The following LUZP1 variants were observed in gnomAD, a reference collection of about 807,000 sequenced individuals.
LUZP1 encodes filamin mechanobinding actin cross-linking protein.
Under a neutral mutation model 71.3 loss-of-function variants are expected in LUZP1, and 25 were observed. That is an observed-to-expected ratio of 0.35 (90% CI 0.26 to 0.49). LUZP1 has a LOEUF of 0.49. Among genes scored for constraint, LUZP1 ranks in the 20% least tolerant of loss-of-function variants. LUZP1 has a pLI of 0.99. For missense variants in LUZP1, 1,142 were observed against 1,300.8 expected, an observed-to-expected ratio of 0.88 and a Z score of 1.88; for synonymous variants, 481 against 506.4, an observed-to-expected ratio of 0.95 and a Z score of 0.67.
At chr1:23,176,630 G>A (rs1022868322) in intron 1 of LUZP1, among the ~76,000 whole-genome samples, 2 of 152,124 alleles carry the variant, frequency 1.3e-5, no homozygotes, top group Non-Finnish European at 2.9e-5. Flanking sequence ...TGAGATGTCA[G>A]AACCTCAGAA....
chr1:23,101,782 A>ACACCT (rs1000436764), intron 3 of LUZP1, among the ~76,000 whole-genome samples: 71 of 152,288 alleles, frequency 4.7e-4, no homozygotes, highest in Middle Eastern at 3.4e-3. Flanking sequence ...AGCAAAGTAG[A>ACACCT]CACCTCTCTT....
exon 4 of LUZP1, chr1:23,092,721 G>A (rs1325668649): frequency 1.2e-6 from 2 of 1,613,926 alleles, no homozygotes; most frequent in African/African-American, 1.3e-5. Context: ...TCCATGGGTG[G>A]TGTCACTAAA....
intron 2 of LUZP1, among the ~76,000 whole-genome samples, chr1:23,138,404 C>T (rs1303312441): frequency 1.3e-5 from 2 of 152,266 alleles, no homozygotes; most frequent in East Asian, 3.9e-4. Context: ...ATACAAAAGT[C>T]TACATATGGT....
intron 3 of LUZP1, among the ~76,000 whole-genome samples, chr1:23,102,298 A>G (rs1456967653): frequency 6.6e-6 from 1 of 151,964 alleles, no homozygotes; most frequent in Non-Finnish European, 1.5e-5. Context: ...AAGTTCCTGA[A>G]CCCAGTTCCA....
chr1:23,155,166 G>T (rs1004106378), intron 2 of LUZP1, among the ~76,000 whole-genome samples: 6 of 152,036 alleles, frequency 3.9e-5, no homozygotes, highest in South Asian at 4.1e-4. Context: ...CCATTACTTT[G>T]TTTACACACC....
intron 2 of LUZP1, among the ~76,000 whole-genome samples, chr1:23,163,429 C>T (rs1413685105): frequency 1.3e-5 from 2 of 150,618 alleles, no homozygotes; most frequent in African/African-American, 4.9e-5. Flanking sequence ...TGGTGGTGCA[C>T]ACTTGTAGTC....
intron 2 of LUZP1, among the ~76,000 whole-genome samples, chr1:23,127,559 T>A (rs1304963217): frequency 6.6e-6 from 1 of 152,212 alleles, no homozygotes; most frequent in Non-Finnish European, 1.5e-5. Flanking sequence ...AGTCTCGCTC[T>A]GTGGCCCAGG....
chr1:23,150,834 T>C (rs774288837), intron 2 of LUZP1, among the ~76,000 whole-genome samples: 14 of 152,206 alleles, frequency 9.2e-5, no homozygotes, highest in Non-Finnish European at 7.3e-5. Flanking sequence ...AAGCTGGACC[T>C]GAAATATCCT....
intron 1 of LUZP1, among the ~76,000 whole-genome samples, chr1:23,174,317 G>A (rs970412876): frequency 6.6e-6 from 1 of 152,038 alleles, no homozygotes; most frequent in African/African-American, 2.4e-5. Flanking sequence ...TGTTCTGTTG[G>A]GCCCTCAGTG....
chr1:23,090,747 G>T, intron 4 of LUZP1: 3 of 659,350 alleles, frequency 4.5e-6, no homozygotes, highest in Non-Finnish European at 8.2e-6. Flanking sequence ...AACTGAGGCG[G>T]CCGAGAACTT....
chr1:23,147,612 CAAAAAAAA>C (rs774893320), intron 2 of LUZP1, among the ~76,000 whole-genome samples: 1 of 61,470 alleles, frequency 1.6e-5, no homozygotes, highest in South Asian at 7.4e-4. Context: ...AGTCTCTACC[CAAAAAAAA>C]AAAAAAAAAA....
In LUZP1 at chr1:23,134,830, T is replaced by C. The variant is rs556671900; in HGVS notation, c.-225-25703A>G. Among the ~76,000 whole-genome samples, 104 of 152,176 alleles carry C rather than the reference T, an allele frequency of 6.8e-4. 1 individual carries two copies. In the South Asian group the frequency reaches 0.011, roughly 16 times the overall value. On this transcript the variant is annotated intron_variant, in intron 2 of 4. Transcript: ENST00000302291. ...AAATTAGTTGCCATGCTTTTTTTTT[T>C]CCCAACTTTTAAGTTCAGGGGTACA...
At chr1:23,098,820 G>A (rs1052245516) in intron 3 of LUZP1, among the ~76,000 whole-genome samples, 1 of 152,156 alleles carries the variant, frequency 6.6e-6, no homozygotes, top group Admixed American at 6.5e-5. Context: ...AAAAACAACT[G>A]AAATTGGGCC....
chr1:23,154,566 G>A (rs1476137308), intron 2 of LUZP1, among the ~76,000 whole-genome samples: 4 of 151,142 alleles, frequency 2.6e-5, no homozygotes, highest in Admixed American at 6.6e-5. Flanking sequence ...TTTTTGAGAC[G>A]GAGTCTTGCT....
At chr1:23,155,252 C>G (rs1316020562) in intron 2 of LUZP1, among the ~76,000 whole-genome samples, 1 of 152,164 alleles carries the variant, frequency 6.6e-6, no homozygotes, top group Non-Finnish European at 1.5e-5. Context: ...GTAAAGTCTT[C>G]CATTTAATGA....
At chr1:23,116,643 GAAAGA>G (rs770631965) in intron 2 of LUZP1, among the ~76,000 whole-genome samples, 8 of 151,760 alleles carry the variant, frequency 5.3e-5, no homozygotes, top group Non-Finnish European at 1.0e-4. Context: ...GAAAAGAAAA[GAAAGA>G]AAAGTTTGCC....
At chr1:23,091,616 C>T (rs749749808) in exon 4 of LUZP1, 4 of 1,614,156 alleles carry the variant, frequency 2.5e-6, no homozygotes, top group Non-Finnish European at 3.4e-6. Flanking sequence ...GATCCGATGG[C>T]TTGATTATAA....
chr1:23,164,978 A>G (rs1644498643), intron 2 of LUZP1, among the ~76,000 whole-genome samples: 1 of 152,254 alleles, frequency 6.6e-6, no homozygotes, highest in Non-Finnish European at 1.5e-5. Flanking sequence ...CTTTTTCCCC[A>G]AAATGTATCC....
intron 2 of LUZP1, among the ~76,000 whole-genome samples, chr1:23,123,988 T>C (rs565722648): frequency 3.9e-5 from 6 of 152,172 alleles, no homozygotes; most frequent in African/African-American, 1.4e-4. Context: ...CATTCAGATG[T>C]CTTAGAGCAC....
Sources: gnomAD v4.1 joint callset for allele counts (sites outside exome capture counted in the v4.1 genomes callset) on GRCh38, gnomAD v4.1.1 for gene constraint, MANE v1.5 for transcripts, NCBI Gene and HGNC (gene_info 2026-07-23, HGNC 2026-07-21) for gene names.